HKDC1: variants seen among roughly 807,000 people sequenced by gnomAD.
HKDC1 encodes the protein hexokinase domain containing 1.
In HKDC1, 66 loss-of-function variants were observed where a neutral mutation model predicts 96.6. The ratio of observed to expected loss-of-function variants is 0.68; its 90% CI spans 0.56 to 0.84. The LOEUF (loss-of-function observed/expected upper bound fraction) is 0.84, where lower values mean the gene tolerates loss of function less well. Among genes scored for constraint, HKDC1 ranks in the 40% least tolerant of loss-of-function variants. The probability of loss-of-function intolerance (pLI) is 0.00; values close to 1 mark genes in which losing one functional copy is unlikely to be tolerated. For missense variants in HKDC1, 1,211 were observed against 1,208.1 expected (o/e 1.00, Z -0.04); for synonymous variants, 466 against 473.1 (o/e 0.98, Z 0.20).
chr10:69,256,163 C>T (rs575620890), intron 12 of HKDC1, among the ~76,000 whole-genome samples: 45 of 152,212 alleles, frequency 3.0e-4, no homozygotes, highest in South Asian at 1.0e-3. Context: ...TAGAATAATT[C>T]ACTATCTGTA....
chr10:69,263,095 C>T (rs1843834888), intron 16 of HKDC1, among the ~76,000 whole-genome samples: 1 of 152,084 alleles, frequency 6.6e-6, no homozygotes, highest in South Asian at 2.1e-4. Context: ...GACAGGGTCT[C>T]ACTCTGTTGC....
At chr10:69,236,407 G>A (rs574842903) in intron 4 of HKDC1, among the ~76,000 whole-genome samples, 1 of 151,356 alleles carries the variant, frequency 6.6e-6, no homozygotes, top group Admixed American at 6.6e-5. Flanking sequence ...CACTGTGCCC[G>A]GCCCATTTTG....
chr10:69,235,117 G>A (rs1843340010), intron 4 of HKDC1, among the ~76,000 whole-genome samples: 1 of 152,018 alleles, frequency 6.6e-6, no homozygotes, highest in African/African-American at 2.4e-5. Context: ...GCCACAAAGC[G>A]AGACTCCATC....
chr10:69,233,016 G>C lies in HKDC1; in HGVS notation c.378G>C (p.Leu126=), dbSNP rs535500410. Residue 126 remains leucine (L), a splice_region_variant and synonymous_variant, in exon 4 of 18, where the codon CTG becomes CTC. Coordinates refer to ENST00000354624, the MANE Select transcript of HKDC1 (RefSeq NM_025130.4). ...NEIIRGNGTE[L]FEYVADCLAD... ...ACTTTGCTTTCTCTTCTCTGCAGCT[G>C]TTTGAATATGTAGCTGACTGTCTGG... The C allele has an allele frequency of 5.6e-6, 9 of 1,613,990 alleles. No individual in the cohort carries two copies. The highest frequency in any genetic ancestry group is 7.6e-6 in the Non-Finnish European group (9 of 1,180,038).
chr10:69,238,398 C>T lies in HKDC1; in HGVS notation c.496-644C>T, dbSNP rs1239061149. On this transcript the variant is annotated intron_variant, in intron 4 of 17. Transcript: ENST00000354624. ...TTTTTTTTTTTTTTTGAGACGGAGTCTCGCTCTGTCGCCCAGGCCGGACTG... is the reference window on the plus strand; with the variant it reads ...TTTTTTTTTTTTTTTGAGACGGAGTTTCGCTCTGTCGCCCAGGCCGGACTG... Among the ~76,000 whole-genome samples the T allele has an allele frequency of 7.4e-4, 17 of 23,074 alleles. 6 individuals are homozygous for T. The highest frequency in any genetic ancestry group is 2.7e-3 in the Admixed American group (8 of 2,930). 15.1% of individuals were successfully genotyped at this position (23,074 alleles called of 152,430 possible).
chr10:69,232,640 G>C, intron 2 of HKDC1, 124 bp from the exon 3 acceptor site: 6 of 900,132 alleles, frequency 6.7e-6, no homozygotes, highest in Middle Eastern at 3.5e-4. Context: ...CTTGGCAAAT[G>C]AGCATAATGA....
intron 7 of HKDC1, among the ~76,000 whole-genome samples, chr10:69,243,650 C>T (rs923483203): frequency 6.6e-6 from 1 of 152,068 alleles, no homozygotes; most frequent in African/African-American, 2.4e-5. Context: ...GCATGGGCCA[C>T]CATTCCTGGC....
intron 5 of HKDC1, 152 bp downstream of exon 5, chr10:69,239,289 T>C: frequency 1.7e-6 from 1 of 584,294 alleles, no homozygotes. Flanking sequence ...GGTCCCACTG[T>C]AGTACAGATG....
In HKDC1 at chr10:69,246,240, C is replaced by T. The variant is rs772226390; in HGVS notation, c.1031+6C>T. 10 of 1,613,130 alleles carry T rather than the reference C, an allele frequency of 6.2e-6. No individual in the cohort carries two copies. The highest frequency in any genetic ancestry group is 1.8e-4 in the Middle Eastern group (1 of 5,494). On this transcript the variant is annotated splice_donor_region_variant and intron_variant, in intron 8 of 17. Transcript: ENST00000354624. ...CACGTGGCTGCCATGGAGAAGTAAG[C>T]AAGTCCCTCTGCCTTGGCTCTGTGG...
chr10:69,245,378 A>G (rs1465891304), intron 7 of HKDC1, among the ~76,000 whole-genome samples: 1 of 151,730 alleles, frequency 6.6e-6, no homozygotes, highest in Non-Finnish European at 1.5e-5. Context: ...GGAGGCCAGG[A>G]GTTTATGATA....
chr10:69,257,978 G>A (rs930640074), intron 14 of HKDC1, among the ~76,000 whole-genome samples: 3 of 152,190 alleles, frequency 2.0e-5, no homozygotes, highest in African/African-American at 7.2e-5. Context: ...TGGAACAGGT[G>A]GAGATGGGGA....
chr10:69,236,863 A>G (rs1843370489), intron 4 of HKDC1, among the ~76,000 whole-genome samples: 1 of 152,208 alleles, frequency 6.6e-6, no homozygotes, highest in African/African-American at 2.4e-5. Flanking sequence ...TATATTTTAT[A>G]AAATTTCCTC....
At chr10:69,261,999 C>A in intron 16 of HKDC1, 1 of 367,398 alleles carries the variant, frequency 2.7e-6, no homozygotes, top group South Asian at 2.1e-5. Context: ...GTAGTGAATT[C>A]TGGACAAGAA....
In HKDC1 at chr10:69,266,920, A is replaced by C; in HGVS notation, c.*163A>C. The C allele has an allele frequency of 1.6e-6, 1 of 610,284 alleles. No individual in the cohort carries two copies. 37.8% of individuals were successfully genotyped at this position (610,284 alleles called of 1,614,324 possible). ...GGGTACTCTTAGTATCTTGTACTGG[A>C]TTTGCAGTGACATTACATGACATCT... On this transcript the variant is annotated 3_prime_UTR_variant, in exon 18 of 18. Coordinates refer to ENST00000354624, the MANE Select transcript of HKDC1 (RefSeq NM_025130.4).
At position 69,243,312 on chromosome 10, in the gene HKDC1, C is replaced by T. The variant is rs746581949; in HGVS notation, c.822C>T (p.Arg274=). 6.2e-7 allele frequency: 1 copy of T among 1,612,466 alleles called. No homozygotes were observed. Among genetic ancestry groups the T allele is most frequent in the African/African-American group, 1.3e-5 (1 of 74,874 alleles). ...FGDDGALEDI[R]TEFDRELDLG... ...ACGACGGGGCCCTGGAGGACATTCG[C>T]ACTGAGTTCGACAGGGAGCTGGACC... The change falls in exon 7 of 18, where the codon CGC becomes CGT. Residue 274 remains arginine, a synonymous_variant. Coordinates refer to ENST00000354624, the MANE Select transcript of HKDC1 (RefSeq NM_025130.4).
intron 1 of HKDC1, among the ~76,000 whole-genome samples, chr10:69,224,054 A>C (rs560697270): frequency 6.1e-4 from 92 of 150,576 alleles, no homozygotes; most frequent in African/African-American, 1.3e-3. Flanking sequence ...CAAAAAATGC[A>C]AAAATTAGCT....
chr10:69,222,662 G>C (rs1172755046), intron 1 of HKDC1, among the ~76,000 whole-genome samples: 1 of 152,218 alleles, frequency 6.6e-6, no homozygotes, highest in African/African-American at 2.4e-5. Flanking sequence ...CTGCTGATGG[G>C]CTCCAGGTCC....
chr10:69,240,499 C>A (rs1843438380), intron 5 of HKDC1, among the ~76,000 whole-genome samples, 153 bp from the exon 6 acceptor site: 1 of 152,072 alleles, frequency 6.6e-6, no homozygotes, highest in Non-Finnish European at 1.5e-5. Context: ...GACCCTGAAC[C>A]TTGATGAGGC....
chr10:69,248,017 G>T (rs1299837239), intron 9 of HKDC1, among the ~76,000 whole-genome samples: 1 of 152,128 alleles, frequency 6.6e-6, no homozygotes, highest in African/African-American at 2.4e-5. Context: ...GAAGGGTCCT[G>T]GTAGGAAAAC....
Sources: gnomAD v4.1 joint callset for allele counts (sites outside exome capture counted in the v4.1 genomes callset) on GRCh38, gnomAD v4.1.1 for gene constraint, MANE v1.5 for transcripts, NCBI Gene and HGNC (gene_info 2026-07-23, HGNC 2026-07-21) for gene names.